Variants in DPH6 observed in about 807,000 individuals in gnomAD.
DPH6 encodes diphthamine biosynthesis 6.
In DPH6, 33 loss-of-function variants were observed where a neutral mutation model predicts 38.2. The ratio of observed to expected loss-of-function variants is 0.86; its 90% CI spans 0.65 to 1.15. DPH6 has a LOEUF of 1.15. Ranked by LOEUF, DPH6 falls within the 50% of genes most tolerant of loss-of-function variation. DPH6 has a pLI of 0.00. For missense variants in DPH6, 325 were observed against 320.0 expected (o/e 1.02, Z -0.12); for synonymous variants, 108 against 103.0 (o/e 1.05, Z -0.30).
intron 5 of DPH6, among the ~76,000 whole-genome samples, chr15:35,447,219 G>A (rs1204799167): frequency 1.3e-5 from 2 of 152,252 alleles, no homozygotes; most frequent in East Asian, 1.9e-4. Flanking sequence ...CATCCAGAGT[G>A]TTCTCTCAAC....
intron 5 of DPH6, among the ~76,000 whole-genome samples, chr15:35,424,757 T>C (rs1295015408): frequency 5.9e-5 from 9 of 151,550 alleles, no homozygotes. Flanking sequence ...ACTGAAAAGA[T>C]TACTGAATAA....
At chr15:35,503,758 C>T (rs976893489) in intron 3 of DPH6, among the ~76,000 whole-genome samples, 5 of 152,094 alleles carry the variant, frequency 3.3e-5, no homozygotes, top group African/African-American at 1.2e-4. Flanking sequence ...TAAATTGACT[C>T]ATTCAATCTC....
At chr15:35,406,068 T>C (rs548492008) in intron 6 of DPH6, among the ~76,000 whole-genome samples, 2 of 152,064 alleles carry the variant, frequency 1.3e-5, no homozygotes, top group African/African-American at 4.8e-5. Context: ...AAAGAAAAAA[T>C]AGTATGATAA....
the DPH6 span, among the ~76,000 whole-genome samples, chr15:35,212,167 T>C: frequency 3.3e-5 from 5 of 152,114 alleles, no homozygotes; most frequent in African/African-American, 1.2e-4. Flanking sequence ...CTTGGAGATA[T>C]GAGAGCAAAA....
At position 35,293,262 on chromosome 15, in the gene DPH6, T is replaced by C. The variant is rs16960757; in HGVS notation, n.201-72680A>G. 0.03 allele frequency among the ~76,000 whole-genome samples: 4,607 copies of C among 152,228 alleles called. 345 individuals carry two copies. In the East Asian group the frequency reaches 0.32, roughly 11 times the overall value. Reference sequence around the variant, plus strand: ...AATAAAGAATAGAGCACAAATAAAATTGTAATATGAATAATTTAGTTATCT... The same window carrying C: ...AATAAAGAATAGAGCACAAATAAAACTGTAATATGAATAATTTAGTTATCT... On this transcript the variant is annotated intron_variant and non_coding_transcript_variant, in intron 3 of 3. Coordinates refer to the DPH6 transcript ENST00000560386.
rs1402430988 is a variant in DPH6, at chr15:35,239,273, T to C, written n.201-18691A>G. On this transcript the variant is annotated intron_variant and non_coding_transcript_variant, in intron 3 of 3. Coordinates refer to the DPH6 transcript ENST00000560386. ...ACTATCCCTCAACCTCTTTCTCCTT[T>C]CAATCTTGGCGCTACACTTCAATCA... Among the ~76,000 whole-genome samples the C allele has an allele frequency of 1.4e-5, 2 of 143,680 alleles. 1 individual carries two copies. The highest frequency in any genetic ancestry group is 3.1e-5 in the Non-Finnish European group (2 of 65,478). 94.3% of individuals were successfully genotyped at this position (143,680 alleles called of 152,430 possible). A position where few individuals can be genotyped will look rare whatever the true frequency, so the allele number is the denominator to read the frequency against.
the DPH6 span, among the ~76,000 whole-genome samples, chr15:35,192,691 G>A: frequency 6.6e-6 from 1 of 152,144 alleles, no homozygotes; most frequent in African/African-American, 2.4e-5. Context: ...ACTTCACGGT[G>A]TAAAATAAGA....
intron 3 of DPH6, chr15:35,237,533 G>A: frequency 6.4e-7 from 1 of 1,551,542 alleles, no homozygotes; most frequent in Non-Finnish European, 8.9e-7. Context: ...TAAGAAGCTT[G>A]AACTAAGCGA....
intron 3 of DPH6, among the ~76,000 whole-genome samples, chr15:35,269,790 C>CTTTT (rs1198000526): frequency 9.2e-6 from 1 of 108,548 alleles, no homozygotes. Flanking sequence ...GGGTGTGTTT[C>CTTTT]TTTTTTTTTT....
At chr15:35,406,695 C>G (rs1444290299) in intron 6 of DPH6, among the ~76,000 whole-genome samples, 2 of 151,942 alleles carry the variant, frequency 1.3e-5, no homozygotes, top group Non-Finnish European at 2.9e-5. Context: ...ACTGAGCAGA[C>G]AATGGGGCCA....
chr15:35,205,415 T>A, the DPH6 span, among the ~76,000 whole-genome samples: 2 of 152,030 alleles, frequency 1.3e-5, no homozygotes, highest in Non-Finnish European at 2.9e-5. Flanking sequence ...GAATGGGATA[T>A]GTTTACATAG....
intron 3 of DPH6, among the ~76,000 whole-genome samples, chr15:35,280,481 G>C (rs1398796138): frequency 1.3e-5 from 2 of 152,094 alleles, no homozygotes; most frequent in Non-Finnish European, 2.9e-5. Context: ...TTAAAAAGTA[G>C]AGAGAGAGAA....
chr15:35,386,087 A>G (rs1386263855), intron 6 of DPH6, among the ~76,000 whole-genome samples: 2 of 152,006 alleles, frequency 1.3e-5, no homozygotes, highest in Non-Finnish European at 2.9e-5. Context: ...ATGGGGTGAG[A>G]ACATATGGTG....
intron 3 of DPH6, chr15:35,238,067 G>A: frequency 6.4e-7 from 1 of 1,556,318 alleles, no homozygotes; most frequent in African/African-American, 1.4e-5. Context: ...TGACTAAGTG[G>A]AATAACCTAT....
intron 3 of DPH6, among the ~76,000 whole-genome samples, chr15:35,346,672 T>C (rs1180310229): frequency 6.6e-6 from 1 of 152,138 alleles, no homozygotes; most frequent in African/African-American, 2.4e-5. Context: ...TGTTAAATTG[T>C]TGTTGTTTAC....
chr15:35,371,347 A>G lies in DPH6; in HGVS notation c.*803T>C, dbSNP rs2052711302. The G allele has an allele frequency of 6.3e-6, 1 of 157,904 alleles. No homozygotes were observed. The highest frequency in any genetic ancestry group is 2.4e-5 in the African/African-American group (1 of 41,452). The allele number at this position is 157,904 out of a possible 1,614,324, so 9.8% of individuals were successfully genotyped here. On this transcript the variant is annotated 3_prime_UTR_variant, in exon 9 of 9. Coordinates refer to ENST00000256538, the MANE Select transcript of DPH6 (RefSeq NM_080650.4). The stretch of plus-strand genomic sequence containing the variant: ...CCAAGAGTGAACCCTCACGTAAACT[A>G]TGGACTTTGGGTGATAATAATGTGT...
the DPH6 span, among the ~76,000 whole-genome samples, chr15:35,178,132 C>T: frequency 2.0e-5 from 3 of 152,124 alleles, no homozygotes; most frequent in South Asian, 6.2e-4. Flanking sequence ...TATATAACAT[C>T]TATGTGAACA....
intron 3 of DPH6, among the ~76,000 whole-genome samples, chr15:35,350,204 G>A (rs916773070): frequency 6.6e-6 from 1 of 152,020 alleles, no homozygotes; most frequent in South Asian, 2.1e-4. Flanking sequence ...CCATTGCTTT[G>A]AAGTTGTCAA....
chr15:35,400,299 C>A lies in DPH6; in HGVS notation c.567+10536G>T, dbSNP rs192959569. On this transcript the variant is annotated intron_variant, in intron 6 of 8. Coordinates refer to ENST00000256538, the MANE Select transcript of DPH6 (RefSeq NM_080650.4). ...GACTTAGCTGTGTATTGGGCTTTTA[C>A]AGTTATTATAATATAAACACTGGAT... Among the ~76,000 whole-genome samples, 432 of 152,202 alleles carry A rather than the reference C, an allele frequency of 2.8e-3. 3 individuals carry two copies. Among genetic ancestry groups the A allele is most frequent in the Non-Finnish European group, 4.6e-3 (316 of 68,028 alleles).
Sources: gnomAD v4.1 joint callset for allele counts (sites outside exome capture counted in the v4.1 genomes callset) on GRCh38, gnomAD v4.1.1 for gene constraint, MANE v1.5 for transcripts, NCBI Gene and HGNC (gene_info 2026-07-23, HGNC 2026-07-21) for gene names.